Variants in FAM20A observed in about 807,000 individuals in gnomAD.
The protein encoded by FAM20A is FAM20A golgi associated secretory pathway pseudokinase.
Under a neutral mutation model 52.0 loss-of-function variants are expected in FAM20A, and 42 were observed. That is an observed-to-expected ratio of 0.81 (90% CI 0.63 to 1.04). The LOEUF is 1.04. FAM20A is among the 50% of genes least tolerant of loss of function. The pLI is 0.00. For missense variants in FAM20A, 742 were observed against 712.7 expected (o/e 1.04, Z -0.47); for synonymous variants, 304 against 298.9 (o/e 1.02, Z -0.18).
At chr17:68,569,152 G>A (rs531106373) in intron 1 of FAM20A, among the ~76,000 whole-genome samples, 18 of 152,020 alleles carry the variant, frequency 1.2e-4, no homozygotes, top group Non-Finnish European at 1.9e-4. Context: ...TTCAATGATC[G>A]CTTTTGTGCA....
chr17:68,537,649 T>C lies in FAM20A; in HGVS notation c.1454A>G (p.Gln485Arg). The change falls in exon 11 of 11, where the codon CAG (glutamine) becomes CGG (arginine). Residue 485 changes from glutamine to arginine, a missense_variant. By Grantham distance (43) the Gln-to-Arg change is conservative. Transcript: ENST00000592554. This position sits in a 1 kb window ranked among gnomAD's most constrained non-coding sequence, Gnocchi z 4.2. The stretch of plus-strand genomic sequence containing the variant: ...GGGTTCAGTGAGGACAGGGCTGAGC[T>C]GGTCTTCCAGCAGTGATTCTCGCAT... ...DVMRESLLED[Q>R]LSPVLTEPHL... 1 of 1,613,890 alleles carries C rather than the reference T, an allele frequency of 6.2e-7. No individual in the cohort carries two copies.
chr17:68,540,978 C>T lies in FAM20A; in HGVS notation c.1110-20G>A, dbSNP rs901278436. On this transcript the variant is annotated intron_variant, in intron 7 of 10. Coordinates refer to ENST00000592554, the MANE Select transcript of FAM20A (RefSeq NM_017565.4). ...TCCCACCTGAGGGGGAGAAGAAGTC[C>T]TGGGGCTGGAAAAGCCAAGATGGCA... The T allele has an allele frequency of 6.4e-7, 1 of 1,564,978 alleles. No homozygotes were observed. Among genetic ancestry groups the T allele is most frequent in the Non-Finnish European group, 8.7e-7 (1 of 1,153,414 alleles).
chr17:68,582,545 A>G (rs976752969), intron 1 of FAM20A: 1 of 152,170 alleles, frequency 6.6e-6, no homozygotes, highest in Non-Finnish European at 1.5e-5. Flanking sequence ...AGTATCAAAT[A>G]ACCTGTAAGG....
intron 1 of FAM20A, among the ~76,000 whole-genome samples, chr17:68,591,259 C>G (rs1252153024): frequency 6.6e-6 from 1 of 152,130 alleles, no homozygotes; most frequent in Non-Finnish European, 1.5e-5. Flanking sequence ...CCGCCACGCC[C>G]GGTTAATTTT....
intron 1 of FAM20A, among the ~76,000 whole-genome samples, chr17:68,564,815 A>G (rs2087329301): frequency 1.3e-5 from 2 of 151,980 alleles, no homozygotes; most frequent in Non-Finnish European, 2.9e-5. Flanking sequence ...GGGCGTGAGG[A>G]GGGTGCCAAT....
chr17:68,540,048 G>C, intron 8 of FAM20A, 82 bp from the exon 9 acceptor site: 1 of 1,214,036 alleles, frequency 8.2e-7, no homozygotes. Flanking sequence ...CCAGGGAACG[G>C]AGGCCTGTCA....
At chr17:68,569,533 T>C (rs2087479423) in intron 1 of FAM20A, among the ~76,000 whole-genome samples, 1 of 152,250 alleles carries the variant, frequency 6.6e-6, no homozygotes. Flanking sequence ...CACTGGCCAA[T>C]ATGCAATAGC....
chr17:68,584,494 G>A (rs1052468312), intron 1 of FAM20A, among the ~76,000 whole-genome samples: 9 of 152,186 alleles, frequency 5.9e-5, no homozygotes, highest in African/African-American at 2.2e-4. Context: ...GACCCCTGTG[G>A]GTCAGCAGGA....
intron 1 of FAM20A, among the ~76,000 whole-genome samples, chr17:68,587,086 G>A (rs2088182574): frequency 6.6e-6 from 1 of 152,084 alleles, no homozygotes; most frequent in Admixed American, 6.6e-5. Context: ...AGTAGCGATG[G>A]GGTTTCTCCA....
intron 4 of FAM20A, chr17:68,551,351 A>G (rs566077839): frequency 7.9e-6 from 3 of 381,696 alleles, no homozygotes; most frequent in African/African-American, 4.1e-5. Context: ...TTGATTGTCT[A>G]GTTTTTCAGT....
intron 1 of FAM20A, among the ~76,000 whole-genome samples, chr17:68,572,734 T>TTTTATTTA (rs781335091): frequency 6.6e-6 from 1 of 152,156 alleles, no homozygotes; most frequent in East Asian, 1.9e-4. Flanking sequence ...TTCTTTTTAA[T>TTTTATTTA]TTTATTTATT....
At chr17:68,562,427 A>G (rs2087240618) in intron 1 of FAM20A, among the ~76,000 whole-genome samples, 1 of 152,238 alleles carries the variant, frequency 6.6e-6, no homozygotes, top group African/African-American at 2.4e-5. Flanking sequence ...ACTTTCATTT[A>G]GTGTGCATGA....
In FAM20A at chr17:68,537,838, CT is replaced by C; in HGVS notation, c.1362-98del. 2 of 1,348,136 alleles carry C rather than the reference CT, an allele frequency of 1.5e-6. No homozygotes were observed. Among genetic ancestry groups the C allele is most frequent in the Non-Finnish European group, 2.1e-6 (2 of 971,630 alleles). 83.5% of individuals were successfully genotyped at this position (1,348,136 alleles called of 1,614,324 possible). A position where few individuals can be genotyped will look rare whatever the true frequency, so the allele number is the denominator to read the frequency against. On this transcript the variant is annotated intron_variant, in intron 10 of 10. Transcript: ENST00000592554. This position sits in a 1 kb window ranked among gnomAD's most constrained non-coding sequence, Gnocchi z 4.2. The stretch of plus-strand genomic sequence containing the variant: ...ACAAACAGCTGTTGTAGCTGATACT[CT>C]TGGCGCCTCTCCTTGTGTCTTCTCA...
chr17:68,600,696 C>T lies in FAM20A; in HGVS notation c.-30G>A, dbSNP rs2088600957. ...TGCTGGCCAAGGGGGACGCCGGGGG[C>T]AGGCCGGCTGTCTCCGGGGTCCCGG... On this transcript the variant is annotated 5_prime_UTR_variant, in exon 1 of 11. Coordinates refer to ENST00000592554, the MANE Select transcript of FAM20A (RefSeq NM_017565.4). The surrounding 1 kb of genome is among the most constrained non-coding windows in gnomAD (Gnocchi z 6.2). The T allele has an allele frequency of 1.3e-6, 2 of 1,527,914 alleles. No individual in the cohort carries two copies. The highest frequency in any genetic ancestry group is 2.0e-5 in the Admixed American group (1 of 50,590). 94.6% of individuals were successfully genotyped at this position (1,527,914 alleles called of 1,614,324 possible). A position where few individuals can be genotyped will look rare whatever the true frequency, so the allele number is the denominator to read the frequency against.
At chr17:68,538,412 A>C (rs1381745488) in intron 10 of FAM20A, among the ~76,000 whole-genome samples, 2 of 152,184 alleles carry the variant, frequency 1.3e-5, no homozygotes, top group Non-Finnish European at 2.9e-5. Flanking sequence ...CTCATGCTCT[A>C]CTCCGAGTTT....
chr17:68,545,030 A>G (rs2086483455), intron 4 of FAM20A, among the ~76,000 whole-genome samples: 1 of 152,238 alleles, frequency 6.6e-6, no homozygotes, highest in South Asian at 2.1e-4. Context: ...TTATGTTCCT[A>G]ATGTATATTT....
Position 68,536,190 on chromosome 17 carries a change from C to A in FAM20A, c.*1287G>T. 2.2e-6 allele frequency: 1 copy of A among 454,096 alleles called. No individual in the cohort carries two copies. The highest frequency in any genetic ancestry group is 1.6e-5 in the South Asian group (1 of 64,478). The allele number at this position is 454,096 out of a possible 1,614,324, so 28.1% of individuals were successfully genotyped here. A position where few individuals can be genotyped will look rare whatever the true frequency, so the allele number is the denominator to read the frequency against. The stretch of plus-strand genomic sequence containing the variant: ...GCTCACACTGCAGAAAGCTTGGAGA[C>A]ATTTCTGGTTCTTGACCTTGTACTC... On this transcript the variant is annotated 3_prime_UTR_variant, in exon 11 of 11. Coordinates refer to ENST00000592554, the MANE Select transcript of FAM20A (RefSeq NM_017565.4).
At chr17:68,577,255 A>G (rs759776049) in intron 1 of FAM20A, among the ~76,000 whole-genome samples, 1 of 152,158 alleles carries the variant, frequency 6.6e-6, no homozygotes, top group Non-Finnish European at 1.5e-5. Flanking sequence ...GCACACACCA[A>G]TTCCCCTCTA....
At chr17:68,599,669 C>T (rs2088554533) in intron 1 of FAM20A, among the ~76,000 whole-genome samples, 2 of 152,258 alleles carry the variant, frequency 1.3e-5, no homozygotes, top group Admixed American at 6.5e-5. Flanking sequence ...GGGGTGGCTG[C>T]GGCAGAGAAC....
Sources: allele counts gnomAD v4.1 joint callset (sites outside exome capture counted in the v4.1 genomes callset), GRCh38; gene constraint gnomAD v4.1.1; non-coding constraint Gnocchi (gnomAD v3.1); transcripts MANE v1.5; gene names NCBI Gene and HGNC (gene_info 2026-07-23, HGNC 2026-07-21).